The following PDPN variants were observed in gnomAD, a reference collection of about 807,000 sequenced individuals.
The protein encoded by PDPN is podoplanin, also known as PA2.26 antigen.
PDPN carries 12 observed loss-of-function variants against 23.2 expected under a neutral mutation model. That is an observed-to-expected ratio of 0.52 (90% CI 0.33 to 0.84). PDPN has a LOEUF of 0.84. Ranked by LOEUF, PDPN falls within the 40% of genes least tolerant of loss-of-function variation. The probability of loss-of-function intolerance (pLI) is 0.02; values close to 1 mark genes in which losing one functional copy is unlikely to be tolerated. For synonymous variants in PDPN, 77 were observed against 76.7 expected (o/e 1.00, Z -0.02); for missense variants, 199 against 212.2 (o/e 0.94, Z 0.39).
At chr1:13,607,096 A>G (rs1640807043) in intron 1 of PDPN, 77 bp from the exon 2 acceptor site, 1 of 1,461,396 alleles carries the variant, frequency 6.8e-7, no homozygotes, top group East Asian at 2.4e-5. Context: ...AAAAGAAAAT[A>G]ATCCGAATGT....
intron 1 of PDPN, among the ~76,000 whole-genome samples, chr1:13,597,504 G>T (rs1183131879): frequency 6.6e-6 from 1 of 152,216 alleles, no homozygotes; most frequent in Non-Finnish European, 1.5e-5. Flanking sequence ...TTAGGGAGCT[G>T]CAGGTCTGCA....
chr1:13,588,197 A>G (rs758117810), intron 1 of PDPN, among the ~76,000 whole-genome samples: 1 of 152,092 alleles, frequency 6.6e-6, no homozygotes, highest in Non-Finnish European at 1.5e-5. Context: ...CCATCCAGAG[A>G]GGCCAGGCCA....
intron 4 of PDPN, 24 bp downstream of exon 4, chr1:13,613,749 A>G (rs1161519463): frequency 7.3e-7 from 1 of 1,366,164 alleles, no homozygotes; most frequent in South Asian, 1.2e-5. Context: ...TGGCATCAAA[A>G]TACTCTTACT....
intron 1 of PDPN, among the ~76,000 whole-genome samples, chr1:13,590,724 G>T (rs188073179): frequency 8.1e-4 from 123 of 152,224 alleles, no homozygotes; most frequent in African/African-American, 2.9e-3. Context: ...AGTCCGTGCT[G>T]AGTGGAAGAG....
chr1:13,599,628 T>G (rs1355167802), intron 1 of PDPN, among the ~76,000 whole-genome samples: 1 of 151,858 alleles, frequency 6.6e-6, no homozygotes, highest in Non-Finnish European at 1.5e-5. Flanking sequence ...AAGTGATCCG[T>G]CTACCTTGGC....
In PDPN at chr1:13,613,681, T is replaced by C. The variant is rs766677262; in HGVS notation, c.332-6T>C. 7.3e-7 allele frequency: 1 copy of C among 1,371,124 alleles called. No individual in the cohort carries two copies. The highest frequency in any genetic ancestry group is 1.0e-6 in the Non-Finnish European group (1 of 961,330). The allele number at this position is 1,371,124 out of a possible 1,614,324, so 84.9% of individuals were successfully genotyped here. Reference sequence around the variant, plus strand: ...ATTCTACATTATTATATCTTTCTATTCACAGAGAAAGTGGATGGAGACACA... The same window carrying C: ...ATTCTACATTATTATATCTTTCTATCCACAGAGAAAGTGGATGGAGACACA... On this transcript the variant is annotated splice_polypyrimidine_tract_variant and splice_region_variant and intron_variant, in intron 3 of 5. Coordinates refer to ENST00000621990, the MANE Select transcript of PDPN (RefSeq NM_006474.5).
Position 13,614,363 on chromosome 1 carries a change from T to C in PDPN, c.434T>C (p.Ile145Thr). Reference sequence around the variant, plus strand: ...GGGGTCTTACTAGCCATCGGCTTCATTGGTGCAATCATCGTTGTGGTTATG... The same window carrying C: ...GGGGTCTTACTAGCCATCGGCTTCACTGGTGCAATCATCGTTGTGGTTATG... ...IVGVLLAIGFIGAIIVVVMRK... is the reference protein window; with the variant it reads ...IVGVLLAIGFTGAIIVVVMRK... The change falls in exon 5 of 6, where the codon ATT becomes ACT. Residue 145 changes from isoleucine to threonine, a missense_variant. Coordinates refer to ENST00000621990, the MANE Select transcript of PDPN (RefSeq NM_006474.5). The C allele has an allele frequency of 6.2e-7, 1 of 1,609,762 alleles. No individual in the cohort carries two copies.
At chr1:13,611,236 ACAAAAAAAC>A (rs1251113151) in intron 3 of PDPN, among the ~76,000 whole-genome samples, 1 of 128,942 alleles carries the variant, frequency 7.8e-6, no homozygotes, top group Non-Finnish European at 1.7e-5. Context: ...AAAAAACAAA[ACAAAAAAAC>A]AAACAAACAA....
At chr1:13,584,677 G>C (rs557701481) in intron 1 of PDPN, among the ~76,000 whole-genome samples, 1 of 152,240 alleles carries the variant, frequency 6.6e-6, no homozygotes, top group Admixed American at 6.5e-5. Context: ...AGAGGATAGT[G>C]TGTGTGGAAA....
chr1:13,585,620 C>G (rs767573332), intron 1 of PDPN: 1 of 1,352,042 alleles, frequency 7.4e-7, no homozygotes, highest in South Asian at 1.1e-5. Context: ...TTCCCTTCAG[C>G]CGGCTCCTGA....
chr1:13,617,307 C>T lies in PDPN; in HGVS notation c.*1396C>T, dbSNP rs1276887573. Reference sequence around the variant, plus strand: ...TCATTCGGAAGCACAGCCCATTCCTCCCATTTTTTGCAATGATGTCTGGAT... The same window carrying T: ...TCATTCGGAAGCACAGCCCATTCCTTCCATTTTTTGCAATGATGTCTGGAT... On this transcript the variant is annotated 3_prime_UTR_variant, in exon 6 of 6. Coordinates refer to ENST00000621990, the MANE Select transcript of PDPN (RefSeq NM_006474.5). 2.0e-5 allele frequency: 3 copies of T among 152,196 alleles called. No homozygotes were observed. Among genetic ancestry groups the T allele is most frequent in the Non-Finnish European group, 4.4e-5 (3 of 68,036 alleles). The allele number at this position is 152,196 out of a possible 1,614,324, so 9.4% of individuals were successfully genotyped here.
At chr1:13,608,918 C>A (rs570596298) in intron 2 of PDPN, among the ~76,000 whole-genome samples, 1 of 151,682 alleles carries the variant, frequency 6.6e-6, no homozygotes, top group African/African-American at 2.4e-5. Context: ...CTTTTTCTTA[C>A]GCATCTCAAG....
intron 1 of PDPN, among the ~76,000 whole-genome samples, chr1:13,598,054 T>C (rs1255966695): frequency 6.6e-6 from 1 of 152,106 alleles, no homozygotes; most frequent in African/African-American, 2.4e-5. Context: ...TCTCACTCTG[T>C]TACTCAGGCT....
At chr1:13,585,312 G>T (rs928682924) in intron 1 of PDPN, 9 of 274,150 alleles carry the variant, frequency 3.3e-5, no homozygotes, top group Admixed American at 4.7e-5. Context: ...TCAGGGAAAT[G>T]ACAGAGTTCT....
intron 2 of PDPN, 107 bp from the exon 3 acceptor site, chr1:13,610,280 T>C (rs1640899225): frequency 1.2e-6 from 1 of 850,414 alleles, no homozygotes; most frequent in South Asian, 1.7e-5. Context: ...CATGCCATCA[T>C]ATGTTCCATA....
rs1553143565 is a variant in PDPN, at chr1:13,588,980, A to AGCTCTACTATTCAATAAATTGAATAGT, written c.67+4883_67+4884insCTACTATTCAATAAATTGAATAGTGCT. Among the ~76,000 whole-genome samples, 27 of 126,794 alleles carry AGCTCTACTATTCAATAAATTGAATAGT rather than the reference A, an allele frequency of 2.1e-4. 2 individuals carry two copies. The South Asian group carries it at 2.8e-3, about 13-fold the overall frequency. 83.2% of individuals were successfully genotyped at this position (126,794 alleles called of 152,430 possible). The stretch of plus-strand genomic sequence containing the variant: ...ATACCCGGCCAACAATTCATTGAAT[A>AGCTCTACTATTCAATAAATTGAATAGT]GCTACTATTCAATAAATATTTATTG... On this transcript the variant is annotated intron_variant, in intron 1 of 5. Transcript: ENST00000621990.
At chr1:13,589,981 C>T (rs1009478577) in intron 1 of PDPN, among the ~76,000 whole-genome samples, 2 of 152,206 alleles carry the variant, frequency 1.3e-5, no homozygotes, top group Admixed American at 6.5e-5. Flanking sequence ...GCATGTGCCA[C>T]CACGCCTGGC....
At chr1:13,585,753 G>T in intron 1 of PDPN, 1 of 783,574 alleles carries the variant, frequency 1.3e-6, no homozygotes, top group Non-Finnish European at 2.0e-6. Context: ...GTGCTGAGTT[G>T]CCTGGCTGCC....
At chr1:13,606,568 T>G (rs890936629) in intron 1 of PDPN, among the ~76,000 whole-genome samples, 4 of 152,134 alleles carry the variant, frequency 2.6e-5, no homozygotes, top group African/African-American at 9.7e-5. Context: ...CTTTGGAGAC[T>G]GAGACGGGAG....
Sources: allele counts gnomAD v4.1 joint callset (sites outside exome capture counted in the v4.1 genomes callset), GRCh38; gene constraint gnomAD v4.1.1; transcripts MANE v1.5; gene names NCBI Gene and HGNC (gene_info 2026-07-23, HGNC 2026-07-21).